RASSF5: variants seen among roughly 807,000 people sequenced by gnomAD.
The protein encoded by RASSF5 is Ras association domain family member 5.
RASSF5 carries 25 observed loss-of-function variants against 40.5 expected under a neutral mutation model. The observed-to-expected ratio is 0.62, with a 90% CI of 0.45 to 0.86. The LOEUF (loss-of-function observed/expected upper bound fraction) is 0.86, where lower values mean the gene tolerates loss of function less well. RASSF5 is among the 40% of genes least tolerant of loss of function. The pLI is 0.00. For synonymous variants in RASSF5, 246 were observed against 252.4 expected (o/e 0.97, Z 0.24); for missense variants, 521 against 572.8 (o/e 0.91, Z 0.92).
rs1667236899 is a variant in RASSF5, at chr1:206,531,533, C to G, written c.458-6639C>G. On this transcript the variant is annotated intron_variant, in intron 1 of 5. Transcript: ENST00000579436. This position sits in a 1 kb window ranked among gnomAD's most constrained non-coding sequence, Gnocchi z 4.7. ...GGTGGTGGAGCTGCCCTGGGATGGT[C>G]TGTGCGCAGAGGGCGCTGGAGACCC... 6.6e-6 allele frequency among the ~76,000 whole-genome samples: 1 copy of G among 152,118 alleles called. No individual in the cohort carries two copies. The highest frequency in any genetic ancestry group is 1.5e-5 in the Non-Finnish European group (1 of 68,016).
At position 206,579,735 on chromosome 1, in the gene RASSF5, G is replaced by A. The variant is rs1229538344; in HGVS notation, c.580-3534G>A. On this transcript the variant is annotated intron_variant, in intron 2 of 5. Transcript: ENST00000579436. This position sits in a 1 kb window ranked among gnomAD's most constrained non-coding sequence, Gnocchi z 4.2. ...AATCTCCAGGGATGAAGCCCAGGCA[G>A]CTAAGTTTCTAAAGATCCCCCAGAT... 1.3e-5 allele frequency among the ~76,000 whole-genome samples: 2 copies of A among 152,234 alleles called. No homozygotes were observed. Among genetic ancestry groups the A allele is most frequent in the Non-Finnish European group, 2.9e-5 (2 of 68,044 alleles).
At chr1:206,524,869 ACACT>A (rs1170064229) in intron 1 of RASSF5, among the ~76,000 whole-genome samples, 2 of 150,502 alleles carry the variant, frequency 1.3e-5, no homozygotes, top group African/African-American at 2.5e-5. Context: ...ATACACACAC[ACACT>A]CACACACACA....
intron 2 of RASSF5, among the ~76,000 whole-genome samples, chr1:206,577,480 T>A (rs1429601523): frequency 6.6e-6 from 1 of 152,220 alleles, no homozygotes; most frequent in African/African-American, 2.4e-5. Flanking sequence ...TGTGAGACAA[T>A]AAGGGATTTT....
chr1:206,566,028 T>C (rs781977852), intron 2 of RASSF5, among the ~76,000 whole-genome samples: 1 of 152,178 alleles, frequency 6.6e-6, no homozygotes, highest in Non-Finnish European at 1.5e-5. Context: ...ACTAAGTTAA[T>C]TTACCATCCT....
intron 1 of RASSF5, among the ~76,000 whole-genome samples, chr1:206,525,303 G>A (rs1288034925): frequency 6.6e-6 from 1 of 152,238 alleles, no homozygotes; most frequent in Non-Finnish European, 1.5e-5. Flanking sequence ...GGCAGGTTGG[G>A]TGTGTTTGGG....
Position 206,540,479 on chromosome 1 carries a change from C to T in RASSF5, c.579+2186C>T, listed in dbSNP as rs560953208. On this transcript the variant is annotated intron_variant, in intron 2 of 5. Coordinates refer to ENST00000579436, the MANE Select transcript of RASSF5 (RefSeq NM_182663.4). Reference sequence around the variant, plus strand: ...TTGCAGAGGAAGGAGCCAAGAACCCCGCGTGGGAGCTGAACCGCCCCCAGT... The same window carrying T: ...TTGCAGAGGAAGGAGCCAAGAACCCTGCGTGGGAGCTGAACCGCCCCCAGT... 2.2e-3 allele frequency among the ~76,000 whole-genome samples: 337 copies of T among 152,378 alleles called. 4 individuals are homozygous for T. Among genetic ancestry groups the T allele is most frequent in the African/African-American group, 7.9e-3 (329 of 41,590 alleles).
At position 206,535,713 on chromosome 1, in the gene RASSF5, GTGGTGT is replaced by G. The variant is rs1414304590; in HGVS notation, c.458-2458_458-2453del. On this transcript the variant is annotated intron_variant, in intron 1 of 5. Transcript: ENST00000579436. This position sits in a 1 kb window ranked among gnomAD's most constrained non-coding sequence, Gnocchi z 5.0. ...TGTGTGTGTGTGTGTCTGTGTGTGT[GTGGTGT>G]GTGTGTGTGTGTGTGTGTGTGTGTG... 2.1e-5 allele frequency among the ~76,000 whole-genome samples: 1 copy of G among 46,678 alleles called. No individual in the cohort carries two copies. The highest frequency in any genetic ancestry group is 7.3e-5 in the African/African-American group (1 of 13,756). The allele number at this position is 46,678 out of a possible 152,430, so 30.6% of individuals were successfully genotyped here. A position where few individuals can be genotyped will look rare whatever the true frequency, so the allele number is the denominator to read the frequency against.
At chr1:206,571,031 T>C (rs1553404123) in intron 2 of RASSF5, among the ~76,000 whole-genome samples, 2 of 152,216 alleles carry the variant, frequency 1.3e-5, no homozygotes, top group African/African-American at 4.8e-5. Flanking sequence ...AGTGACTGCA[T>C]TATTTTACAA....
At chr1:206,558,106 A>G (rs1030666078) in intron 2 of RASSF5, among the ~76,000 whole-genome samples, 2 of 152,224 alleles carry the variant, frequency 1.3e-5, no homozygotes, top group Non-Finnish European at 2.9e-5. Context: ...ACATTCATAA[A>G]CACACATTCA....
At chr1:206,577,153 C>T (rs916882400) in intron 2 of RASSF5, among the ~76,000 whole-genome samples, 1 of 152,106 alleles carries the variant, frequency 6.6e-6, no homozygotes, top group Non-Finnish European at 1.5e-5. Context: ...CATCCAGTAG[C>T]TGCTTTTGTG....
chr1:206,566,796 C>T (rs1668301315), intron 2 of RASSF5, among the ~76,000 whole-genome samples: 1 of 152,174 alleles, frequency 6.6e-6, no homozygotes, highest in Non-Finnish European at 1.5e-5. Context: ...AAACACCTCG[C>T]CGCTCTTTCT....
In RASSF5 at chr1:206,513,717, C is replaced by T. The variant is rs1666678274; in HGVS notation, c.457+5658C>T. 6.6e-6 allele frequency among the ~76,000 whole-genome samples: 1 copy of T among 152,162 alleles called. No individual in the cohort carries two copies. Among genetic ancestry groups the T allele is most frequent in the African/African-American group, 2.4e-5 (1 of 41,434 alleles). On this transcript the variant is annotated intron_variant, in intron 1 of 5. Transcript: ENST00000579436. The surrounding 1 kb of genome is among the most constrained non-coding windows in gnomAD (Gnocchi z 5.0). ...TTCAGTTTTTTTCCAAGACTTTTGG[C>T]AAGCCTTTCTCCACATGTTCCGGGC...
intron 1 of RASSF5, among the ~76,000 whole-genome samples, chr1:206,515,134 C>T (rs1553395230): frequency 6.6e-6 from 1 of 152,166 alleles, no homozygotes; most frequent in Non-Finnish European, 1.5e-5. Context: ...GTTGAGTTTA[C>T]TTATCCATCT....
rs1448051673 is a variant in RASSF5 at position 206,586,940 on chromosome 1, G to C, written c.1219G>C (p.Glu407Gln). 1 of 1,614,190 alleles carries C rather than the reference G, an allele frequency of 6.2e-7. No homozygotes were observed. Among genetic ancestry groups the C allele is most frequent in the Non-Finnish European group, 8.5e-7 (1 of 1,179,998 alleles). ...GTATGACAAGTTTAGGCAGAAACTG[G>C]AGGAGGCCTTAAGAGAATCCCAGGG... ...KKYDKFRQKL[E>Q]EALRESQGKP... The change falls in exon 6 of 6, where the codon GAG (glutamate) becomes CAG (glutamine). Residue 407 changes from glutamate to glutamine, a missense_variant. This residue lies in a region of RASSF5 where 284 missense variants were observed against 360.8 expected (regional missense o/e 0.79). Transcript: ENST00000579436.
At chr1:206,558,474 G>T (rs376710026) in intron 2 of RASSF5, among the ~76,000 whole-genome samples, 8 of 152,172 alleles carry the variant, frequency 5.3e-5, no homozygotes, top group African/African-American at 1.9e-4. Context: ...AGGGCTCCAA[G>T]CCAGGTCCTT....
chr1:206,530,641 A>C (rs1316500554), intron 1 of RASSF5, among the ~76,000 whole-genome samples: 1 of 152,244 alleles, frequency 6.6e-6, no homozygotes, highest in East Asian at 1.9e-4. Context: ...AGATTTTAGA[A>C]GTTCAAATGT....
chr1:206,566,796 C>A (rs1668301315), intron 2 of RASSF5, among the ~76,000 whole-genome samples: 2 of 152,174 alleles, frequency 1.3e-5, no homozygotes, highest in Admixed American at 1.3e-4. Context: ...AAACACCTCG[C>A]CGCTCTTTCT....
chr1:206,507,574 G>T lies in RASSF5; in HGVS notation c.-29G>T. The T allele has an allele frequency of 6.8e-7, 1 of 1,459,892 alleles. No individual in the cohort carries two copies. The highest frequency in any genetic ancestry group is 9.0e-7 in the Non-Finnish European group (1 of 1,111,598). 90.4% of individuals were successfully genotyped at this position (1,459,892 alleles called of 1,614,324 possible). On this transcript the variant is annotated 5_prime_UTR_variant, in exon 1 of 6. Transcript: ENST00000579436. ...GAGTAGCGCAGTCGCCAAAGCCGCC[G>T]CTGCCAAAGCTGCCGCCACTAGCCG... is the stretch of plus-strand genomic sequence containing the variant.
intron 2 of RASSF5, among the ~76,000 whole-genome samples, chr1:206,562,114 A>G (rs1668163460): frequency 6.6e-6 from 1 of 152,136 alleles, no homozygotes; most frequent in Admixed American, 6.5e-5. Flanking sequence ...GTCAGATCCT[A>G]CACTGCTCCC....
Sources: allele counts gnomAD v4.1 joint callset (sites outside exome capture counted in the v4.1 genomes callset), GRCh38; gene constraint gnomAD v4.1.1; regional missense constraint gnomAD v4.1.1; non-coding constraint Gnocchi (gnomAD v3.1); transcripts MANE v1.5; gene names NCBI Gene and HGNC (gene_info 2026-07-23, HGNC 2026-07-21).